MYOM2: variants seen among roughly 807,000 people sequenced by gnomAD.
The protein encoded by MYOM2 is myomesin-2.
MYOM2 carries 254 observed loss-of-function variants against 187.6 expected under a neutral mutation model. The observed-to-expected ratio is 1.35, with a 90% CI of 1.22 to 1.50. The LOEUF (loss-of-function observed/expected upper bound fraction) is 1.50. Among genes scored for constraint, MYOM2 ranks in the 40% most tolerant of loss-of-function variants. The pLI, the probability that MYOM2 is intolerant of heterozygous loss-of-function variation, is 0.00. For synonymous variants in MYOM2, 981 were observed against 753.8 expected, an observed-to-expected ratio of 1.30 and a Z score of -4.94; for missense variants, 2,796 against 1,924.0, an observed-to-expected ratio of 1.45 and a Z score of -8.48.
intron 6 of MYOM2, among the ~76,000 whole-genome samples, chr8:2,068,411 C>G (rs1819094406): frequency 6.7e-6 from 1 of 149,632 alleles, no homozygotes; most frequent in African/African-American, 2.5e-5. Context: ...CCTGTGTGCA[C>G]CAGGTGGAGA....
chr8:2,098,907 C>T lies in MYOM2; in HGVS notation c.2364C>T (p.Val788=). The change falls in exon 19 of 37, where the codon GTC becomes GTT. Residue 788 remains valine, a synonymous_variant. Coordinates refer to ENST00000262113, the MANE Select transcript of MYOM2 (RefSeq NM_003970.4). ...TCTACGAGTTCAAAATCGCCGCCGT[C>T]AACCTGGCCGGCATCGGGGAGCCCT... ...GSLYEFKIAA[V]NLAGIGEPSD... 1 of 1,613,324 alleles carries T rather than the reference C, an allele frequency of 6.2e-7. No homozygotes were observed.
At chr8:2,068,650 A>G (rs1218425793) in intron 6 of MYOM2, among the ~76,000 whole-genome samples, 2 of 152,234 alleles carry the variant, frequency 1.3e-5, no homozygotes, top group Non-Finnish European at 2.9e-5. Context: ...CACCAGGATC[A>G]CCTGGAGAGT....
At chr8:2,083,497 A>T (rs1043366930) in intron 13 of MYOM2, among the ~76,000 whole-genome samples, 2 of 151,958 alleles carry the variant, frequency 1.3e-5, no homozygotes, top group African/African-American at 4.8e-5. Context: ...ATGGCATCTC[A>T]TGTGTGACTA....
intron 3 of MYOM2, among the ~76,000 whole-genome samples, chr8:2,054,002 C>G (rs566822346): frequency 2.0e-5 from 3 of 152,184 alleles, no homozygotes; most frequent in Non-Finnish European, 4.4e-5. Flanking sequence ...GCTCTATCAC[C>G]GTCATGCAGA....
chr8:2,092,663 A>C (rs1385615145), intron 16 of MYOM2, 143 bp downstream of exon 16: 3 of 825,388 alleles, frequency 3.6e-6, no homozygotes, highest in Non-Finnish European at 5.3e-6. Flanking sequence ...CAAGGGCTGT[A>C]TAATTTTAAA....
intron 34 of MYOM2, among the ~76,000 whole-genome samples, chr8:2,141,943 C>G (rs62501380): frequency 0.058 from 8,772 of 152,258 alleles, 345 homozygotes; most frequent in Middle Eastern, 0.12. Flanking sequence ...ACATCCGAAG[C>G]TGACCGCAGT....
chr8:2,098,761 A>G lies in MYOM2; in HGVS notation c.2314-96A>G. 3 of 1,330,068 alleles carry G rather than the reference A, an allele frequency of 2.3e-6. No individual in the cohort carries two copies. In the East Asian group the frequency reaches 7.5e-5, roughly 33 times the overall value. The allele number at this position is 1,330,068 out of a possible 1,614,324, so 82.4% of individuals were successfully genotyped here. On this transcript the variant is annotated intron_variant, in intron 18 of 36. Coordinates refer to ENST00000262113, the MANE Select transcript of MYOM2 (RefSeq NM_003970.4). ...TCCCGACAAGGTTCCTTCCTCTCAT[A>G]TTTTATTTCACAAGCCAGTTATAAC...
At chr8:2,138,440 C>T (rs3779819) in intron 32 of MYOM2, among the ~76,000 whole-genome samples, 25,277 of 152,140 alleles carry the variant, frequency 0.17, 2,471 homozygotes, top group Middle Eastern at 0.26. Context: ...ATTCCAGATG[C>T]GGGACTGAGA....
intron 3 of MYOM2, among the ~76,000 whole-genome samples, chr8:2,054,693 C>G (rs1438603560): frequency 6.6e-6 from 1 of 152,180 alleles, no homozygotes; most frequent in Admixed American, 6.5e-5. Flanking sequence ...TAAACGGTGT[C>G]AAGAGAGGAC....
At chr8:2,136,177 C>A (rs143589838) in intron 32 of MYOM2, among the ~76,000 whole-genome samples, 16 of 152,322 alleles carry the variant, frequency 1.1e-4, no homozygotes, top group African/African-American at 3.6e-4. Context: ...CAGCTCGAGG[C>A]TGGGATTGGG....
At position 2,100,429 on chromosome 8, in the gene MYOM2, G is replaced by A. The variant is rs553929368; in HGVS notation, c.2441-447G>A. The A allele has an allele frequency of 1.2e-4, 21 of 168,246 alleles. No individual in the cohort carries two copies. The East Asian group carries it at 3.1e-3, about 25-fold the overall frequency. The allele number at this position is 168,246 out of a possible 1,614,324, so 10.4% of individuals were successfully genotyped here. On this transcript the variant is annotated intron_variant, in intron 19 of 36. Coordinates refer to ENST00000262113, the MANE Select transcript of MYOM2 (RefSeq NM_003970.4). ...GGTGCTTGCCTGGACCTGGGCCTCC[G>A]CACCACATGCCCTCAGAGTTGCCGC...
chr8:2,063,712 C>T (rs1465960266), intron 6 of MYOM2, among the ~76,000 whole-genome samples: 2 of 152,058 alleles, frequency 1.3e-5, no homozygotes, highest in Non-Finnish European at 2.9e-5. Flanking sequence ...GACATGAGGC[C>T]CCAGCTGCCC....
intron 32 of MYOM2, among the ~76,000 whole-genome samples, chr8:2,134,148 A>C (rs551485260): frequency 6.6e-6 from 1 of 152,090 alleles, no homozygotes; most frequent in Non-Finnish European, 1.5e-5. Context: ...CTTTTTTTCC[A>C]GGAACGCCCT....
chr8:2,115,860 C>A, intron 25 of MYOM2, 100 bp from the exon 26 acceptor site: 1 of 1,323,706 alleles, frequency 7.6e-7, no homozygotes, highest in Non-Finnish European at 1.0e-6. Flanking sequence ...CTATCATAAT[C>A]CCTTGAGATC....
chr8:2,062,854 T>C (rs191248885), intron 6 of MYOM2, among the ~76,000 whole-genome samples: 1 of 152,304 alleles, frequency 6.6e-6, no homozygotes, highest in East Asian at 1.9e-4. Context: ...AAGAATGATA[T>C]ACCTTTCTCA....
intron 5 of MYOM2, among the ~76,000 whole-genome samples, chr8:2,058,755 A>C (rs963164780): frequency 7.9e-5 from 12 of 152,108 alleles, no homozygotes; most frequent in Non-Finnish European, 1.3e-4. Context: ...TGGAGCCATG[A>C]AGCCAGCTTC....
intron 31 of MYOM2, among the ~76,000 whole-genome samples, chr8:2,126,583 T>G (rs560164888): frequency 6.6e-6 from 1 of 151,998 alleles, no homozygotes; most frequent in Non-Finnish European, 1.5e-5. Context: ...CACTGATGCA[T>G]ACAGACTCAT....
chr8:2,070,848 C>CT (rs1230587218), intron 8 of MYOM2, among the ~76,000 whole-genome samples: 7 of 152,244 alleles, frequency 4.6e-5, no homozygotes, highest in Admixed American at 4.6e-4. Flanking sequence ...CTCAGGGTAG[C>CT]TTCAATTATT....
chr8:2,096,776 C>T (rs1796503418), intron 18 of MYOM2, among the ~76,000 whole-genome samples: 1 of 152,062 alleles, frequency 6.6e-6, no homozygotes, highest in South Asian at 2.1e-4. Context: ...CACATGTGTG[C>T]CTGAGGGGAG....
Sources: gnomAD v4.1 joint callset for allele counts (sites outside exome capture counted in the v4.1 genomes callset) on GRCh38, gnomAD v4.1.1 for gene constraint, MANE v1.5 for transcripts, NCBI Gene and HGNC (gene_info 2026-07-23, HGNC 2026-07-21) for gene names.